LRP1B: variants seen among roughly 807,000 people sequenced by gnomAD.
LRP1B encodes the protein low-density lipoprotein receptor-related protein 1B.
In LRP1B, 217 loss-of-function variants were observed where a neutral mutation model predicts 556.6. The ratio of observed to expected loss-of-function variants is 0.39; its 90% CI spans 0.35 to 0.44. LRP1B has a LOEUF of 0.44. LRP1B is among the 20% of genes least tolerant of loss of function. The probability of loss-of-function intolerance (pLI) is 1.00; values close to 1 mark genes in which losing one functional copy is unlikely to be tolerated. For synonymous variants in LRP1B, 2,047 were observed against 1,865.8 expected, an observed-to-expected ratio of 1.10 and a Z score of -2.50; for missense variants, 5,053 against 5,620.8, an observed-to-expected ratio of 0.90 and a Z score of 3.23.
At chr2:140,619,071 A>G (rs1413070158) in intron 41 of LRP1B, among the ~76,000 whole-genome samples, 1 of 87,338 alleles carries the variant, frequency 1.1e-5, no homozygotes, top group Admixed American at 1.2e-4. Context: ...ATGTATATCT[A>G]TCTACACACA....
chr2:140,570,550 A>C (rs1681286715), intron 43 of LRP1B, among the ~76,000 whole-genome samples: 1 of 151,774 alleles, frequency 6.6e-6, no homozygotes, highest in Non-Finnish European at 1.5e-5. Context: ...CCCATCAGAG[A>C]AAGGCCCAGG....
chr2:140,671,419 G>C lies in LRP1B; in HGVS notation c.6799+28831C>G, dbSNP rs199584713. ...GCCTGTAGTACCAGCTACTTGGGAG[G>C]CTGAGGCAGGAGAATGTCGTGAATC... On this transcript the variant is annotated intron_variant, in intron 41 of 90. Coordinates refer to ENST00000389484, the MANE Select transcript of LRP1B (RefSeq NM_018557.3). Among the ~76,000 whole-genome samples, 40 of 152,288 alleles carry C rather than the reference G, an allele frequency of 2.6e-4. No homozygotes were observed. The East Asian group carries it at 5.0e-3, about 19-fold the overall frequency.
intron 2 of LRP1B, among the ~76,000 whole-genome samples, chr2:141,534,754 A>T (rs1685011034): frequency 6.6e-6 from 1 of 152,158 alleles, no homozygotes; most frequent in Non-Finnish European, 1.5e-5. Context: ...AGAAGAGGAA[A>T]TGTTGTACTG....
chr2:140,832,312 T>C (rs1419897944), intron 31 of LRP1B, among the ~76,000 whole-genome samples: 1 of 152,134 alleles, frequency 6.6e-6, no homozygotes, highest in African/African-American at 2.4e-5. Flanking sequence ...CCCCCATGTA[T>C]ACTGAGGGAC....
At chr2:140,535,396 G>A (rs190306119) in intron 46 of LRP1B, among the ~76,000 whole-genome samples, 9 of 152,150 alleles carry the variant, frequency 5.9e-5, no homozygotes, top group Admixed American at 2.6e-4. Flanking sequence ...TAAGACATTG[G>A]TTACACATCA....
chr2:141,472,717 G>A (rs895187532), intron 3 of LRP1B, among the ~76,000 whole-genome samples: 7 of 152,090 alleles, frequency 4.6e-5, no homozygotes, highest in Non-Finnish European at 1.0e-4. Flanking sequence ...GACAGATACA[G>A]AATCTGAAAT....
At chr2:141,775,433 G>A (rs147075055) in intron 2 of LRP1B, among the ~76,000 whole-genome samples, 16 of 152,220 alleles carry the variant, frequency 1.1e-4, no homozygotes, top group African/African-American at 3.6e-4. Context: ...ACTTCTTACT[G>A]GTAGCTCAGT....
At chr2:141,701,294 T>C (rs1691930816) in intron 2 of LRP1B, among the ~76,000 whole-genome samples, 1 of 151,900 alleles carries the variant, frequency 6.6e-6, no homozygotes, top group Admixed American at 6.6e-5. Flanking sequence ...TGCTCACTGA[T>C]CCCTGAACAC....
intron 29 of LRP1B, among the ~76,000 whole-genome samples, chr2:140,843,117 G>C (rs576250823): frequency 1.2e-4 from 13 of 107,214 alleles, no homozygotes; most frequent in Non-Finnish European, 1.8e-4. Flanking sequence ...TTTTGGTGGT[G>C]GGGGGTGAGG....
At chr2:140,889,285 A>G (rs1216276506) in intron 23 of LRP1B, among the ~76,000 whole-genome samples, 2 of 152,078 alleles carry the variant, frequency 1.3e-5, no homozygotes, top group Non-Finnish European at 2.9e-5. Context: ...CTTCCTATAT[A>G]CTGTAATTAT....
intron 27 of LRP1B, among the ~76,000 whole-genome samples, chr2:140,854,973 T>C (rs1413023738): frequency 6.6e-6 from 1 of 152,160 alleles, no homozygotes; most frequent in Non-Finnish European, 1.5e-5. Flanking sequence ...AGATGAAATA[T>C]AAATACAGCT....
chr2:141,957,846 T>C lies in LRP1B; in HGVS notation c.83-147445A>G, dbSNP rs150280325. On this transcript the variant is annotated intron_variant, in intron 1 of 90. Transcript: ENST00000389484. Reference sequence around the variant, plus strand: ...GCCAGCACAGATCATCTTTCACATGTAGCCACAAAATAACTGTGATTATCA... The same window carrying C: ...GCCAGCACAGATCATCTTTCACATGCAGCCACAAAATAACTGTGATTATCA... Among the ~76,000 whole-genome samples, 1,058 of 152,208 alleles carry C rather than the reference T, an allele frequency of 7.0e-3. 16 individuals are homozygous for C. Among genetic ancestry groups the C allele is most frequent in the African/African-American group, 0.025 (1,024 of 41,558 alleles).
At chr2:140,773,821 A>C (rs896468493) in intron 33 of LRP1B, among the ~76,000 whole-genome samples, 1 of 151,840 alleles carries the variant, frequency 6.6e-6, no homozygotes, top group Non-Finnish European at 1.5e-5. Context: ...TTTTTCTGTT[A>C]AATATAAAGT....
At chr2:141,505,360 A>T (rs1415128039) in intron 2 of LRP1B, among the ~76,000 whole-genome samples, 1 of 152,078 alleles carries the variant, frequency 6.6e-6, no homozygotes, top group Non-Finnish European at 1.5e-5. Context: ...TCTCAGAGTA[A>T]ATAGCACATT....
intron 2 of LRP1B, among the ~76,000 whole-genome samples, chr2:141,719,717 T>C (rs1692746674): frequency 6.6e-6 from 1 of 152,106 alleles, no homozygotes; most frequent in Admixed American, 6.6e-5. Flanking sequence ...ATGTCTTTTG[T>C]AGCCACATGG....
chr2:140,409,600 CTAAT>C (rs1684886645), intron 66 of LRP1B, among the ~76,000 whole-genome samples: 2 of 151,960 alleles, frequency 1.3e-5, no homozygotes, highest in South Asian at 2.1e-4. Flanking sequence ...CAGATCCTAG[CTAAT>C]TTTTTTTAGT....
At chr2:140,728,932 T>C (rs1687685228) in intron 35 of LRP1B, among the ~76,000 whole-genome samples, 1 of 152,046 alleles carries the variant, frequency 6.6e-6, no homozygotes, top group Non-Finnish European at 1.5e-5. Flanking sequence ...ACCTAGCATT[T>C]AATAAGCATA....
intron 3 of LRP1B, among the ~76,000 whole-genome samples, chr2:141,440,412 G>A (rs932822264): frequency 2.0e-5 from 3 of 152,226 alleles, no homozygotes; most frequent in East Asian, 1.9e-4. Context: ...CCTGCCCTGC[G>A]GACCGCAGAG....
chr2:140,562,238 G>A (rs1240409568), intron 43 of LRP1B, among the ~76,000 whole-genome samples: 1 of 152,090 alleles, frequency 6.6e-6, no homozygotes, highest in Non-Finnish European at 1.5e-5. Flanking sequence ...TTAAAAGACA[G>A]CTGCAGATAT....
Sources: allele counts gnomAD v4.1 joint callset (sites outside exome capture counted in the v4.1 genomes callset), GRCh38; gene constraint gnomAD v4.1.1; transcripts MANE v1.5; gene names NCBI Gene and HGNC (gene_info 2026-07-23, HGNC 2026-07-21).